The following GABRG3 variants were observed in gnomAD, a reference collection of about 807,000 sequenced individuals.
The protein encoded by GABRG3 is gamma-aminobutyric acid receptor subunit gamma-3.
Under a neutral mutation model 48.8 loss-of-function variants are expected in GABRG3, and 25 were observed. That is an observed-to-expected ratio of 0.51 (90% confidence interval 0.37 to 0.72). GABRG3 has a LOEUF of 0.72. Among genes scored for constraint, GABRG3 ranks in the 30% least tolerant of loss-of-function variants. The pLI, the probability that GABRG3 is intolerant of heterozygous loss-of-function variation, is 0.00. For synonymous variants in GABRG3, 227 were observed against 217.6 expected, an observed-to-expected ratio of 1.04 and a Z score of -0.38; for missense variants, 394 against 577.9, an observed-to-expected ratio of 0.68 and a Z score of 3.26.
chr15:27,096,622 T>C (rs1208266126), intron 3 of GABRG3, among the ~76,000 whole-genome samples: 1 of 152,190 alleles, frequency 6.6e-6, no homozygotes, highest in Non-Finnish European at 1.5e-5. Flanking sequence ...GACCAATAAC[T>C]ATAAGATACT....
At chr15:27,484,968 A>T (rs1287242563) in intron 6 of GABRG3, among the ~76,000 whole-genome samples, 1 of 152,222 alleles carries the variant, frequency 6.6e-6, no homozygotes, top group Admixed American at 6.5e-5. Context: ...AGAATTTCAC[A>T]TGATTTATGT....
Position 27,447,764 on chromosome 15 carries a change from C to T in GABRG3, c.575-32886C>T, listed in dbSNP as rs1055421277. 2.0e-5 allele frequency among the ~76,000 whole-genome samples: 3 copies of T among 152,134 alleles called. No homozygotes were observed. The highest frequency in any genetic ancestry group is 4.4e-5 in the Non-Finnish European group (3 of 68,030). On this transcript the variant is annotated intron_variant, in intron 5 of 9. Coordinates refer to ENST00000615808, the MANE Select transcript of GABRG3 (RefSeq NM_033223.5). The surrounding 1 kb of genome is among the most constrained non-coding windows in gnomAD (Gnocchi z 4.0). ...ACTAATACAAGAATAGAAAAACAAACACTGCATGTTCTCACTCATAAGTGG... is the reference window on the plus strand; with the variant it reads ...ACTAATACAAGAATAGAAAAACAAATACTGCATGTTCTCACTCATAAGTGG...
intron 3 of GABRG3, chr15:27,158,164 A>C (rs1898483537): frequency 6.6e-6 from 1 of 152,074 alleles, no homozygotes; most frequent in Non-Finnish European, 1.5e-5. Context: ...AGCTGCGAGG[A>C]ATAAGACCTG....
chr15:27,004,896 G>T (rs112358933), intron 2 of GABRG3, among the ~76,000 whole-genome samples: 2 of 152,096 alleles, frequency 1.3e-5, no homozygotes, highest in Non-Finnish European at 2.9e-5. Flanking sequence ...GAGTCAGCTG[G>T]GCTGGACATA....
At chr15:27,321,790 G>A (rs1893434834) in intron 3 of GABRG3, among the ~76,000 whole-genome samples, 1 of 152,236 alleles carries the variant, frequency 6.6e-6, no homozygotes, top group Non-Finnish European at 1.5e-5. Context: ...AATAAAGGAA[G>A]GGAGAAAAGT....
chr15:27,205,436 G>A (rs1420797568), intron 3 of GABRG3, among the ~76,000 whole-genome samples: 3 of 152,072 alleles, frequency 2.0e-5, no homozygotes, highest in Non-Finnish European at 4.4e-5. Flanking sequence ...GCTTTTTGAT[G>A]TGCTACTGGA....
chr15:27,023,854 T>C (rs1566912071), intron 2 of GABRG3, among the ~76,000 whole-genome samples: 2 of 152,222 alleles, frequency 1.3e-5, no homozygotes. Flanking sequence ...TAATTGTATT[T>C]TTAGTTTTTT....
chr15:26,990,706 A>G (rs1895230998), intron 2 of GABRG3, among the ~76,000 whole-genome samples: 1 of 152,024 alleles, frequency 6.6e-6, no homozygotes, highest in Non-Finnish European at 1.5e-5. Flanking sequence ...ATTTTTGCTC[A>G]GACCAGTGTC....
chr15:27,101,842 T>TTA lies in GABRG3; in HGVS notation c.270+75021_270+75022insTA, dbSNP rs1470991730. On this transcript the variant is annotated intron_variant, in intron 3 of 9. Coordinates refer to ENST00000615808, the MANE Select transcript of GABRG3 (RefSeq NM_033223.5). ...CTAACAGTAACGATAGCTGATGAGC[T>TTA]AAAAAAAAAAAAAAAAAAAAAAAAT... is the stretch of plus-strand genomic sequence containing the variant. Among the ~76,000 whole-genome samples the TTA allele has an allele frequency of 1.1e-4, 8 of 72,530 alleles. No homozygotes were observed. The Admixed American group carries it at 1.3e-3, about 11-fold the overall frequency. The allele number at this position is 72,530 out of a possible 152,430, so 47.6% of individuals were successfully genotyped here. A position where few individuals can be genotyped will look rare whatever the true frequency, so the allele number is the denominator to read the frequency against.
At chr15:27,277,744 G>A (rs986485398) in intron 3 of GABRG3, among the ~76,000 whole-genome samples, 7 of 152,046 alleles carry the variant, frequency 4.6e-5, no homozygotes, top group African/African-American at 1.7e-4. Context: ...CTGTAATTCT[G>A]AATAACTGCA....
chr15:27,464,681 AC>A (rs1194457276), intron 5 of GABRG3, among the ~76,000 whole-genome samples: 1 of 152,168 alleles, frequency 6.6e-6, no homozygotes, highest in Non-Finnish European at 1.5e-5. Context: ...GATATCTTGT[AC>A]TATTTATTTG....
chr15:27,481,248 A>G (rs1389340206), intron 6 of GABRG3: 1 of 965,082 alleles, frequency 1.0e-6, no homozygotes, highest in East Asian at 1.1e-4. Context: ...GATTGAAAGT[A>G]ATTACCTACC....
chr15:27,373,091 C>T (rs1157413694), intron 5 of GABRG3, among the ~76,000 whole-genome samples: 4 of 152,150 alleles, frequency 2.6e-5, no homozygotes, highest in African/African-American at 9.7e-5. Context: ...AGAAGGGTGA[C>T]GTGTACTAGA....
intron 2 of GABRG3, among the ~76,000 whole-genome samples, chr15:27,007,161 C>T (rs1164883329): frequency 6.6e-6 from 1 of 151,814 alleles, no homozygotes; most frequent in African/African-American, 2.4e-5. Flanking sequence ...CTCACTGCAG[C>T]CTCTGCTCTC....
At chr15:27,423,242 TAAA>T (rs58007397) in intron 5 of GABRG3, among the ~76,000 whole-genome samples, 3,878 of 74,728 alleles carry the variant, frequency 0.052, 94 homozygotes, top group Middle Eastern at 0.12. Context: ...GTCATTATGA[TAAA>T]AAAAAAAAAA....
chr15:27,324,231 C>G (rs145107527), intron 3 of GABRG3, among the ~76,000 whole-genome samples: 2 of 152,314 alleles, frequency 1.3e-5, no homozygotes, highest in African/African-American at 4.8e-5. Context: ...ATGCGTATAC[C>G]TGTCCTGGTA....
chr15:27,381,253 T>C (rs1248191557), intron 5 of GABRG3, among the ~76,000 whole-genome samples: 1 of 152,214 alleles, frequency 6.6e-6, no homozygotes, highest in African/African-American at 2.4e-5. Flanking sequence ...AGTTAGATGA[T>C]GGTGAAACAG....
rs143682098 is a variant in GABRG3 at position 27,233,748 on chromosome 15, A to G, written c.271-93061A>G. ...ACCCACTACATGAACATTTTTCTAC[A>G]AAAGATACCAGACGCCTGTACAAAC... On this transcript the variant is annotated intron_variant, in intron 3 of 9. Transcript: ENST00000615808. Among the ~76,000 whole-genome samples, 299 of 152,322 alleles carry G rather than the reference A, an allele frequency of 2.0e-3. 3 individuals carry two copies. The East Asian group carries it at 0.048, about 24-fold the overall frequency.
chr15:27,099,955 G>A (rs986088614), intron 3 of GABRG3, among the ~76,000 whole-genome samples: 6 of 152,068 alleles, frequency 3.9e-5, no homozygotes, highest in Admixed American at 3.3e-4. Flanking sequence ...GGTGGCTCAC[G>A]TCTGTAATCC....
Sources: allele counts gnomAD v4.1 joint callset (sites outside exome capture counted in the v4.1 genomes callset), GRCh38; gene constraint gnomAD v4.1.1; non-coding constraint Gnocchi (gnomAD v3.1); transcripts MANE v1.5; gene names NCBI Gene and HGNC (gene_info 2026-07-23, HGNC 2026-07-21).